ASB18: variants seen among roughly 807,000 people sequenced by gnomAD.
The protein encoded by ASB18 is ankyrin repeat and SOCS box containing 18, also known as ankyrin repeat and SOCS box protein 18.
Under a neutral mutation model 33.4 loss-of-function variants are expected in ASB18, and 33 were observed. The ratio of observed to expected loss-of-function variants is 0.99; its 90% CI spans 0.75 to 1.32. ASB18 has a LOEUF of 1.32. ASB18 is among the 40% of genes most tolerant of loss of function. The probability of loss-of-function intolerance (pLI) is 0.00; values close to 1 mark genes in which losing one functional copy is unlikely to be tolerated. For synonymous variants in ASB18, 295 were observed against 307.6 expected, an observed-to-expected ratio of 0.96 and a Z score of 0.43; for missense variants, 694 against 655.5, an observed-to-expected ratio of 1.06 and a Z score of -0.64.
chr2:236,246,969 T>G lies in ASB18; in HGVS notation c.206-5567A>C, dbSNP rs370195575. The stretch of plus-strand genomic sequence containing the variant: ...GATATAGCTTGTCGTTGGTTATTTT[T>G]AAAAGGGATAGGACACTAGAGGTAA... On this transcript the variant is annotated intron_variant, in intron 1 of 5. Coordinates refer to ENST00000409749, the MANE Select transcript of ASB18 (RefSeq NM_212556.4). Among the ~76,000 whole-genome samples the G allele has an allele frequency of 4.2e-4, 64 of 152,340 alleles. 1 individual carries two copies. The highest frequency in any genetic ancestry group is 1.5e-3 in the African/African-American group (62 of 41,584).
intron 4 of ASB18, among the ~76,000 whole-genome samples, chr2:236,207,631 G>A (rs922043154): frequency 6.6e-6 from 1 of 151,778 alleles, no homozygotes; most frequent in Non-Finnish European, 1.5e-5. Context: ...GAGGGAGGGG[G>A]ACGAGGGCCT....
In ASB18 at chr2:236,214,751, A is replaced by G. The variant is rs1454149606; in HGVS notation, c.712T>C (p.Tyr238His). 4.3e-6 allele frequency: 5 copies of G among 1,175,272 alleles called. No individual in the cohort carries two copies. The highest frequency in any genetic ancestry group is 4.7e-5 in the Admixed American group (1 of 21,470). The allele number at this position is 1,175,272 out of a possible 1,614,324, so 72.8% of individuals were successfully genotyped here. The part of the protein sequence containing the change: ...QRGLDEHARL[Y>H]LGRGAHVDAR... ...TCCACGTGCGCCCCGCGGCCCAGGT[A>G]CAGGCGCGCGTGCTCGTCCAGGCCG... The change falls in exon 4 of 6, where the codon TAC (tyrosine) becomes CAC (histidine). Residue 238 changes from tyrosine to histidine, a missense_variant. By Grantham distance (83) the Tyr-to-His change is moderately conservative. Transcript: ENST00000409749. This position sits in a 1 kb window ranked among gnomAD's most constrained non-coding sequence, Gnocchi z 6.5.
At position 236,255,092 on chromosome 2, in the gene ASB18, G is replaced by C. The variant is rs2060686059; in HGVS notation, c.205+9049C>G. On this transcript the variant is annotated intron_variant, in intron 1 of 5. Coordinates refer to ENST00000409749, the MANE Select transcript of ASB18 (RefSeq NM_212556.4). This position sits in a 1 kb window ranked among gnomAD's most constrained non-coding sequence, Gnocchi z 4.4. ...AGAAGCCGAAGCCGCTACGCTTCCT[G>C]TACAGCCTGCAGAACCGTGAGCCAA... Among the ~76,000 whole-genome samples the C allele has an allele frequency of 6.6e-6, 1 of 152,144 alleles. No individual in the cohort carries two copies. Among genetic ancestry groups the C allele is most frequent in the South Asian group, 2.1e-4 (1 of 4,830 alleles).
rs1202305287 is a variant in ASB18 at position 236,208,740 on chromosome 2, G to A, written c.1101+5622C>T. ...CCTGCCCCTCCCCGTCCTCTGCATC[G>A]TGCCCCCTCATGTTTGCCAGGCAGC... On this transcript the variant is annotated intron_variant, in intron 4 of 5. Transcript: ENST00000409749. This position sits in a 1 kb window ranked among gnomAD's most constrained non-coding sequence, Gnocchi z 7.7. Among the ~76,000 whole-genome samples the A allele has an allele frequency of 6.6e-6, 1 of 151,956 alleles. No homozygotes were observed. Among genetic ancestry groups the A allele is most frequent in the Non-Finnish European group, 1.5e-5 (1 of 68,010 alleles).
chr2:236,245,944 C>T lies in ASB18; in HGVS notation c.206-4542G>A, dbSNP rs1209403054. ...TTAGGGAAGAACACCATAACGTGGA[C>T]GCTCGGCTGGCCTAGGGCAGGTCTC... On this transcript the variant is annotated intron_variant, in intron 1 of 5. Transcript: ENST00000409749. The surrounding 1 kb of genome is among the most constrained non-coding windows in gnomAD (Gnocchi z 4.7). Among the ~76,000 whole-genome samples the T allele has an allele frequency of 3.3e-5, 5 of 152,156 alleles. No homozygotes were observed. The highest frequency in any genetic ancestry group is 1.2e-4 in the African/African-American group (5 of 41,442).
In ASB18 at chr2:236,263,711, T is replaced by C. The variant is rs769932891; in HGVS notation, c.205+430A>G. ...AAGGTAACCAAATACTATCTTTTTG[T>C]AGGCATTTGGTTTAAGTATTTCAGT... is the stretch of plus-strand genomic sequence containing the variant. On this transcript the variant is annotated intron_variant, in intron 1 of 5. Coordinates refer to ENST00000409749, the MANE Select transcript of ASB18 (RefSeq NM_212556.4). This position sits in a 1 kb window ranked among gnomAD's most constrained non-coding sequence, Gnocchi z 4.0. 2.0e-5 allele frequency among the ~76,000 whole-genome samples: 3 copies of C among 152,012 alleles called. No homozygotes were observed. The highest frequency in any genetic ancestry group is 6.5e-5 in the Admixed American group (1 of 15,274).
chr2:236,211,453 A>AG lies in ASB18; in HGVS notation c.1101+2908dup, dbSNP rs1200341915. Among the ~76,000 whole-genome samples the AG allele has an allele frequency of 6.6e-6, 1 of 152,176 alleles. No individual in the cohort carries two copies. The highest frequency in any genetic ancestry group is 1.5e-5 in the Non-Finnish European group (1 of 68,028). ...ATGGTGCCTTTGTCTGGGCATGGGG[A>AG]GCTGTGATTTATGTCATAAGCTCGC... On this transcript the variant is annotated intron_variant, in intron 4 of 5. Transcript: ENST00000409749. The surrounding 1 kb of genome is among the most constrained non-coding windows in gnomAD (Gnocchi z 5.0).
At position 236,232,261 on chromosome 2, in the gene ASB18, CAAAA is replaced by C. The variant is rs34385265; in HGVS notation, c.596+5424_596+5427del. On this transcript the variant is annotated intron_variant, in intron 3 of 5. Transcript: ENST00000409749. ...ACATACTTCTATATAACCCATGACT[CAAAA>C]AAAAAAAAAGAAAATTAGAAAGTAT... is the stretch of plus-strand genomic sequence containing the variant. Among the ~76,000 whole-genome samples the C allele has an allele frequency of 9.5e-5, 14 of 147,008 alleles. 1 individual carries two copies. In the South Asian group the frequency reaches 1.7e-3, roughly 18 times the overall value.
intron 1 of ASB18, among the ~76,000 whole-genome samples, chr2:236,261,972 C>T (rs540816601): frequency 6.6e-6 from 1 of 152,252 alleles, no homozygotes; most frequent in Admixed American, 6.5e-5. Context: ...CTGGGTCCCT[C>T]CCACAACACG....
In ASB18 at chr2:236,262,755, C is replaced by T. The variant is rs893015848; in HGVS notation, c.205+1386G>A. ...AGGTACCAAGTTTGGGATCATGGCTCCTGGGCCTATGGACCCCCGCCAGAT... is the reference window on the plus strand; with the variant it reads ...AGGTACCAAGTTTGGGATCATGGCTTCTGGGCCTATGGACCCCCGCCAGAT... On this transcript the variant is annotated intron_variant, in intron 1 of 5. Coordinates refer to ENST00000409749, the MANE Select transcript of ASB18 (RefSeq NM_212556.4). The surrounding 1 kb of genome is among the most constrained non-coding windows in gnomAD (Gnocchi z 5.2). Among the ~76,000 whole-genome samples the T allele has an allele frequency of 6.6e-6, 1 of 152,148 alleles. No homozygotes were observed. The highest frequency in any genetic ancestry group is 2.4e-5 in the African/African-American group (1 of 41,432).
In ASB18 at chr2:236,229,487, G is replaced by C. The variant is rs767646370; in HGVS notation, c.596+8202C>G. On this transcript the variant is annotated intron_variant, in intron 3 of 5. Coordinates refer to ENST00000409749, the MANE Select transcript of ASB18 (RefSeq NM_212556.4). This position sits in a 1 kb window ranked among gnomAD's most constrained non-coding sequence, Gnocchi z 5.2. ...ATAATTGCCAAAATATTTCCAAATT[G>C]GATGAAAAGCATATAAACCCACAGA... is the stretch of plus-strand genomic sequence containing the variant. Among the ~76,000 whole-genome samples, 1 of 152,090 alleles carries C rather than the reference G, an allele frequency of 6.6e-6. No individual in the cohort carries two copies. Among genetic ancestry groups the C allele is most frequent in the Non-Finnish European group, 1.5e-5 (1 of 68,024 alleles).
chr2:236,237,274 C>T lies in ASB18; in HGVS notation c.596+415G>A, dbSNP rs2060596580. On this transcript the variant is annotated intron_variant, in intron 3 of 5. Coordinates refer to ENST00000409749, the MANE Select transcript of ASB18 (RefSeq NM_212556.4). This position sits in a 1 kb window ranked among gnomAD's most constrained non-coding sequence, Gnocchi z 6.2. ...GCCGGCGGCTGGGCTGTGATCACCGCGCTCATTACCTCGGCGTGGCGCCTC... is the reference window on the plus strand; with the variant it reads ...GCCGGCGGCTGGGCTGTGATCACCGTGCTCATTACCTCGGCGTGGCGCCTC... Among the ~76,000 whole-genome samples, 1 of 151,912 alleles carries T rather than the reference C, an allele frequency of 6.6e-6. No homozygotes were observed. Among genetic ancestry groups the T allele is most frequent in the Non-Finnish European group, 1.5e-5 (1 of 67,992 alleles).
At position 236,264,015 on chromosome 2, in the gene ASB18, G is replaced by A. The variant is rs1017101685; in HGVS notation, c.205+126C>T. 15 of 751,746 alleles carry A rather than the reference G, an allele frequency of 2.0e-5. No individual in the cohort carries two copies. The highest frequency in any genetic ancestry group is 2.9e-5 in the Non-Finnish European group (13 of 448,334). The allele number at this position is 751,746 out of a possible 1,614,324, so 46.6% of individuals were successfully genotyped here. On this transcript the variant is annotated intron_variant, in intron 1 of 5. Coordinates refer to ENST00000409749, the MANE Select transcript of ASB18 (RefSeq NM_212556.4). This position sits in a 1 kb window ranked among gnomAD's most constrained non-coding sequence, Gnocchi z 5.1. ...CACATATATGCATGTATGTATGAGA[G>A]TCAGATATCCGAGTACATATCATTT...
In ASB18 at chr2:236,255,747, A is replaced by G. The variant is rs190939313; in HGVS notation, c.205+8394T>C. ...GTAAACACCTGTGCCTAGAATGTGT[A>G]GCCTCAAACAATATCGTCCCAATCT... On this transcript the variant is annotated intron_variant, in intron 1 of 5. Transcript: ENST00000409749. The surrounding 1 kb of genome is among the most constrained non-coding windows in gnomAD (Gnocchi z 4.4). Among the ~76,000 whole-genome samples, 1 of 152,172 alleles carries G rather than the reference A, an allele frequency of 6.6e-6. No individual in the cohort carries two copies. The highest frequency in any genetic ancestry group is 2.4e-5 in the African/African-American group (1 of 41,438).
At chr2:236,201,776 C>T (rs1433953719) in intron 4 of ASB18, among the ~76,000 whole-genome samples, 1 of 151,416 alleles carries the variant, frequency 6.6e-6, no homozygotes, top group African/African-American at 2.4e-5. Context: ...TCTGTTTTAA[C>T]ACAATCTTCT....
At position 236,226,901 on chromosome 2, in the gene ASB18, C is replaced by T. The variant is rs370051670; in HGVS notation, c.596+10788G>A. 2.2e-4 allele frequency among the ~76,000 whole-genome samples: 33 copies of T among 152,082 alleles called. No homozygotes were observed. Among genetic ancestry groups the T allele is most frequent in the Non-Finnish European group, 3.2e-4 (22 of 68,010 alleles). On this transcript the variant is annotated intron_variant, in intron 3 of 5. Transcript: ENST00000409749. The surrounding 1 kb of genome is among the most constrained non-coding windows in gnomAD (Gnocchi z 4.8). ...AGATAGCATAGAGAGTTTCTGAATA[C>T]GCTTCACCCAGCTTCCCCTAAAGTT...
chr2:236,235,922 G>C lies in ASB18; in HGVS notation c.596+1767C>G, dbSNP rs368060204. On this transcript the variant is annotated intron_variant, in intron 3 of 5. Coordinates refer to ENST00000409749, the MANE Select transcript of ASB18 (RefSeq NM_212556.4). The surrounding 1 kb of genome is among the most constrained non-coding windows in gnomAD (Gnocchi z 6.2). ...TTGCCCAGGCTGGTCTTGAACTCCC[G>C]GACTCAAGTGATCTGCCTGTCTCAG... is the stretch of plus-strand genomic sequence containing the variant. Among the ~76,000 whole-genome samples the C allele has an allele frequency of 6.6e-6, 1 of 152,128 alleles. No individual in the cohort carries two copies. Among genetic ancestry groups the C allele is most frequent in the African/African-American group, 2.4e-5 (1 of 41,432 alleles).
In ASB18 at chr2:236,251,358, G is replaced by C. The variant is rs1342994732; in HGVS notation, c.206-9956C>G. Among the ~76,000 whole-genome samples the C allele has an allele frequency of 6.6e-6, 1 of 152,168 alleles. No individual in the cohort carries two copies. Among genetic ancestry groups the C allele is most frequent in the Admixed American group, 6.5e-5 (1 of 15,278 alleles). On this transcript the variant is annotated intron_variant, in intron 1 of 5. Coordinates refer to ENST00000409749, the MANE Select transcript of ASB18 (RefSeq NM_212556.4). This position sits in a 1 kb window ranked among gnomAD's most constrained non-coding sequence, Gnocchi z 5.3. ...AAAGCGTATCATTGAAGCTCTCCCT[G>C]ATAAAGGTGACGAAGTTTCTTTACA...
At chr2:236,254,260 A>G (rs1271317793) in intron 1 of ASB18, 2 of 152,222 alleles carry the variant, frequency 1.3e-5, no homozygotes, top group Non-Finnish European at 2.9e-5. Flanking sequence ...CTTTGTGGGA[A>G]GAAGTGTTAC....
Sources: allele counts gnomAD v4.1 joint callset (sites outside exome capture counted in the v4.1 genomes callset), GRCh38; gene constraint gnomAD v4.1.1; non-coding constraint Gnocchi (gnomAD v3.1); transcripts MANE v1.5; gene names NCBI Gene and HGNC (gene_info 2026-07-23, HGNC 2026-07-21).